Variants in ANKH observed in about 807,000 individuals in gnomAD.
ANKH encodes ANKH inorganic pyrophosphate transport regulator, also known as mineralization regulator ANKH.
In ANKH, 15 loss-of-function variants were observed where a neutral mutation model predicts 49.0. The observed-to-expected ratio is 0.31, with a 90% CI of 0.20 to 0.47. The LOEUF (loss-of-function observed/expected upper bound fraction) is 0.47, where lower values mean the gene tolerates loss of function less well. Ranked by LOEUF, ANKH falls within the 20% of genes least tolerant of loss-of-function variation. The probability of loss-of-function intolerance (pLI) is 1.00; values close to 1 mark genes in which losing one functional copy is unlikely to be tolerated. For missense variants in ANKH, 429 were observed against 652.0 expected, an observed-to-expected ratio of 0.66 and a Z score of 3.72; for synonymous variants, 273 against 260.0, an observed-to-expected ratio of 1.05 and a Z score of -0.48.
chr5:14,779,897 C>A (rs1739753110), intron 1 of ANKH, among the ~76,000 whole-genome samples: 1 of 152,168 alleles, frequency 6.6e-6, no homozygotes, highest in Admixed American at 6.5e-5. Flanking sequence ...ACATAATTAG[C>A]CTCCTTGGTG....
In ANKH at chr5:14,710,956, T is replaced by C; in HGVS notation, c.*241A>G. On this transcript the variant is annotated 3_prime_UTR_variant, in exon 12 of 12. Coordinates refer to ENST00000284268, the MANE Select transcript of ANKH (RefSeq NM_054027.6). The stretch of plus-strand genomic sequence containing the variant: ...TTTGGGTTTTCGTGAGGCAGGGGTA[T>C]GAAGTCAGTTGTTTCGTTTGTTTTT... The C allele has an allele frequency of 4.0e-6, 2 of 498,870 alleles. No homozygotes were observed. Among genetic ancestry groups the C allele is most frequent in the East Asian group, 4.0e-5 (1 of 25,064 alleles). 30.9% of individuals were successfully genotyped at this position (498,870 alleles called of 1,614,324 possible).
Position 14,871,411 on chromosome 5 carries a change from G to C in ANKH, c.37C>G (p.Leu13Val). 6.2e-7 allele frequency: 1 copy of C among 1,613,548 alleles called. No homozygotes were observed. The highest frequency in any genetic ancestry group is 8.5e-7 in the Non-Finnish European group (1 of 1,179,768). ...KFPALTHYWP[L>V]IRFLVPLGIT... Reference sequence around the variant, plus strand: ...CCCAGGGGCACCAAGAACCGGATCAGGGGCCAGTAGTGCGTGAGCGCCGGG... The same window carrying C: ...CCCAGGGGCACCAAGAACCGGATCACGGGCCAGTAGTGCGTGAGCGCCGGG... Residue 13 changes from leucine (L) to valine (V), a missense_variant, in exon 1 of 12, where the codon CTG becomes GTG. By Grantham distance (32) the Leu-to-Val change is conservative (BLOSUM62 1). Around this residue, in one of 2 missense-constraint regions of ANKH, gnomAD observed 378 missense variants for 615.3 expected, o/e 0.61. Coordinates refer to ENST00000284268, the MANE Select transcript of ANKH (RefSeq NM_054027.6).
At chr5:14,801,611 C>T (rs978838937) in intron 1 of ANKH, among the ~76,000 whole-genome samples, 1 of 152,190 alleles carries the variant, frequency 6.6e-6, no homozygotes, top group Non-Finnish European at 1.5e-5. Flanking sequence ...AATGTTTTTG[C>T]CTACAGAACC....
At chr5:14,854,630 A>G (rs542210388) in intron 1 of ANKH, among the ~76,000 whole-genome samples, 2 of 152,308 alleles carry the variant, frequency 1.3e-5, no homozygotes, top group South Asian at 4.1e-4. Context: ...CCCAGGAGTG[A>G]GCCATGATGG....
At chr5:14,830,679 C>T (rs529212594) in intron 1 of ANKH, among the ~76,000 whole-genome samples, 1 of 152,334 alleles carries the variant, frequency 6.6e-6, no homozygotes, top group Admixed American at 6.5e-5. Flanking sequence ...TTGAGAGCTC[C>T]AGGCTGCAGC....
Position 14,713,678 on chromosome 5 carries a change from G to A in ANKH, c.1142-11C>T. On this transcript the variant is annotated splice_polypyrimidine_tract_variant and intron_variant, in intron 9 of 11. Coordinates refer to ENST00000284268, the MANE Select transcript of ANKH (RefSeq NM_054027.6). This position sits in a 1 kb window ranked among gnomAD's most constrained non-coding sequence, Gnocchi z 4.4. ...GCGCCCTCACTGTGACTGTTGGGAG[G>A]AGCAAAGGACTCGTCAGCCGTGCCC... 1.9e-6 allele frequency: 3 copies of A among 1,613,630 alleles called. No individual in the cohort carries two copies. Among genetic ancestry groups the A allele is most frequent in the Non-Finnish European group, 2.5e-6 (3 of 1,179,982 alleles).
chr5:14,712,914 G>T lies in ANKH; in HGVS notation c.1325C>A (p.Thr442Asn), dbSNP rs1263536461. 6.2e-7 allele frequency: 1 copy of T among 1,613,418 alleles called. No individual in the cohort carries two copies. Residue 442 changes from threonine to asparagine, a missense_variant, in exon 11 of 12, where the codon ACC (threonine) becomes AAC (asparagine). This residue lies in a region of ANKH where 378 missense variants were observed against 615.3 expected (regional missense o/e 0.61). Coordinates refer to ENST00000284268, the MANE Select transcript of ANKH (RefSeq NM_054027.6). ...SLLAGFVGES[T>N]MVAIAACYVY... ...ATAGCACGCAGCGATGGCGACCATG[G>T]TGGATTCTCCCACAAAGCCCGCCAG...
intron 3 of ANKH, among the ~76,000 whole-genome samples, chr5:14,757,572 G>A (rs1243133512): frequency 1.3e-5 from 2 of 151,396 alleles, no homozygotes; most frequent in Non-Finnish European, 2.9e-5. Context: ...GGGTGAAGTT[G>A]GTTATTAAAA....
At chr5:14,814,207 T>G (rs566518844) in intron 1 of ANKH, among the ~76,000 whole-genome samples, 1 of 152,372 alleles carries the variant, frequency 6.6e-6, no homozygotes, top group Admixed American at 6.5e-5. Flanking sequence ...TTGTCGTTAG[T>G]TATTTATCTT....
rs1738870419 is a variant in ANKH, at chr5:14,755,928, C to T, written c.449G>A (p.Gly150Asp). Residue 150 changes from glycine (G) to aspartate (D), a missense_variant, in exon 4 of 12, where the codon GGC (glycine) becomes GAC (aspartate). Physicochemically the swap from Gly to Asp is moderately conservative, Grantham distance 94 (BLOSUM62 -1). This residue lies in a region of ANKH where 378 missense variants were observed against 615.3 expected (regional missense o/e 0.61). Transcript: ENST00000284268. ...FMDAMAWTHA[G>D]ILLKHKYSFL... ...ACTGTATTTGTGTTTTAAGAGAATGCCAGCATGGGTCCATGCCTGCCAGAA... is the reference window on the plus strand; with the variant it reads ...ACTGTATTTGTGTTTTAAGAGAATGTCAGCATGGGTCCATGCCTGCCAGAA... 6.2e-7 allele frequency: 1 copy of T among 1,613,970 alleles called. No homozygotes were observed. Among genetic ancestry groups the T allele is most frequent in the Non-Finnish European group, 8.5e-7 (1 of 1,179,880 alleles).
chr5:14,851,731 A>G (rs1742127675), intron 1 of ANKH, among the ~76,000 whole-genome samples: 1 of 152,264 alleles, frequency 6.6e-6, no homozygotes, highest in Non-Finnish European at 1.5e-5. Flanking sequence ...AATGTAAGTA[A>G]GCATTGGATG....
At chr5:14,828,175 G>A (rs1433209232) in intron 1 of ANKH, among the ~76,000 whole-genome samples, 2 of 152,130 alleles carry the variant, frequency 1.3e-5, no homozygotes, top group Non-Finnish European at 2.9e-5. Context: ...TGGATGCCAG[G>A]CAAGGGTATT....
intron 1 of ANKH, among the ~76,000 whole-genome samples, chr5:14,848,972 T>C (rs946871374): frequency 1.3e-5 from 2 of 152,232 alleles, no homozygotes; most frequent in African/African-American, 4.8e-5. Flanking sequence ...ATTGGTATTT[T>C]AGTGAACTCT....
intron 1 of ANKH, among the ~76,000 whole-genome samples, chr5:14,821,560 C>T (rs1741196938): frequency 6.6e-6 from 1 of 152,200 alleles, no homozygotes; most frequent in African/African-American, 2.4e-5. Flanking sequence ...GGCTTTGAAG[C>T]ATTTGAAATG....
intron 1 of ANKH, among the ~76,000 whole-genome samples, chr5:14,805,485 T>TACACACACACAC (rs111728811): frequency 7.6e-6 from 1 of 132,138 alleles, no homozygotes; most frequent in African/African-American, 2.8e-5. Context: ...GTTTATAGGA[T>TACACACACACAC]ACACACACAC....
At chr5:14,837,886 G>A (rs1741701314) in intron 1 of ANKH, among the ~76,000 whole-genome samples, 1 of 152,032 alleles carries the variant, frequency 6.6e-6, no homozygotes, top group Non-Finnish European at 1.5e-5. Flanking sequence ...ATGATAGACT[G>A]GATTAAGAAA....
chr5:14,786,880 G>A (rs759610143), intron 1 of ANKH, among the ~76,000 whole-genome samples: 12 of 152,168 alleles, frequency 7.9e-5, no homozygotes, highest in Non-Finnish European at 7.4e-5. Flanking sequence ...TCATGAAAGC[G>A]TTCTTTGTCA....
At chr5:14,848,073 G>C (rs1208405956) in intron 1 of ANKH, among the ~76,000 whole-genome samples, 1 of 152,204 alleles carries the variant, frequency 6.6e-6, no homozygotes, top group African/African-American at 2.4e-5. Context: ...CCAGGAGGCA[G>C]AGGTTGCAGT....
intron 8 of ANKH, among the ~76,000 whole-genome samples, chr5:14,736,263 G>T (rs1201135272): frequency 1.3e-5 from 2 of 152,164 alleles, no homozygotes; most frequent in Non-Finnish European, 2.9e-5. Flanking sequence ...GATGTAGTCT[G>T]GGGGCCCTGG....
Sources: gnomAD v4.1 joint callset for allele counts (sites outside exome capture counted in the v4.1 genomes callset) on GRCh38, gnomAD v4.1.1 for gene constraint, gnomAD v4.1.1 regional missense constraint, Gnocchi (gnomAD v3.1) non-coding constraint, MANE v1.5 for transcripts, NCBI Gene and HGNC (gene_info 2026-07-23, HGNC 2026-07-21) for gene names.